Variants in OPCML observed in about 807,000 individuals in gnomAD.
The protein encoded by OPCML is opioid-binding protein/cell adhesion molecule.
In OPCML, 13 loss-of-function variants were observed where a neutral mutation model predicts 37.8. The observed-to-expected ratio is 0.34, with a 90% confidence interval of 0.22 to 0.55. The LOEUF is 0.55. OPCML is among the 20% of genes least tolerant of loss of function. The pLI, the probability that OPCML is intolerant of heterozygous loss-of-function variation, is 0.91. For missense variants in OPCML, 341 were observed against 435.6 expected (o/e 0.78, Z 1.93); for synonymous variants, 176 against 168.8 (o/e 1.04, Z -0.33).
chr11:132,718,180 C>T (rs979093588), intron 2 of OPCML, among the ~76,000 whole-genome samples: 1 of 152,170 alleles, frequency 6.6e-6, no homozygotes, highest in African/African-American at 2.4e-5. Context: ...CCTCCTGGGT[C>T]TTGGTGCGCT....
At chr11:133,378,453 T>C (rs1944861857) in intron 1 of OPCML, among the ~76,000 whole-genome samples, 1 of 152,182 alleles carries the variant, frequency 6.6e-6, no homozygotes, top group Non-Finnish European at 1.5e-5. Context: ...ATACTGTGAA[T>C]ATCCCTGTTA....
intron 4 of OPCML, among the ~76,000 whole-genome samples, chr11:132,477,640 T>G (rs2096161589): frequency 2.0e-5 from 3 of 152,190 alleles, no homozygotes; most frequent in Non-Finnish European, 4.4e-5. Flanking sequence ...ACATGAGGAA[T>G]GGAGGCAAAG....
At chr11:133,099,691 T>C (rs1028196458) in intron 1 of OPCML, among the ~76,000 whole-genome samples, 1 of 152,190 alleles carries the variant, frequency 6.6e-6, no homozygotes, top group East Asian at 1.9e-4. Flanking sequence ...TTTTTTCATA[T>C]GCCTGTTGGA....
At chr11:132,636,230 TA>T (rs1453672229) in intron 3 of OPCML, among the ~76,000 whole-genome samples, 2 of 152,198 alleles carry the variant, frequency 1.3e-5, no homozygotes, top group Non-Finnish European at 2.9e-5. Context: ...AATCCAGATT[TA>T]AACAAGCGCC....
At chr11:133,172,608 C>T (rs1950302756) in intron 1 of OPCML, among the ~76,000 whole-genome samples, 2 of 152,118 alleles carry the variant, frequency 1.3e-5, no homozygotes, top group Admixed American at 6.5e-5. Flanking sequence ...TGAACTCGAG[C>T]ATCTGTGTAG....
chr11:133,276,068 T>TA (rs1369267043), intron 1 of OPCML, among the ~76,000 whole-genome samples: 3 of 152,130 alleles, frequency 2.0e-5, no homozygotes, highest in African/African-American at 4.8e-5. Context: ...AGATTCAGTA[T>TA]AAAAAATGAC....
intron 3 of OPCML, among the ~76,000 whole-genome samples, chr11:132,648,618 C>T (rs552635374): frequency 4.0e-5 from 6 of 151,636 alleles, no homozygotes; most frequent in Non-Finnish European, 5.9e-5. Flanking sequence ...CTCCCTGCTT[C>T]AGCCTCCTGA....
intron 1 of OPCML, among the ~76,000 whole-genome samples, chr11:133,213,614 C>T (rs958462098): frequency 1.3e-5 from 2 of 152,202 alleles, no homozygotes; most frequent in East Asian, 1.9e-4. Context: ...ATTCTCACTC[C>T]TACACTTAAA....
intron 7 of OPCML, among the ~76,000 whole-genome samples, chr11:132,421,094 T>C (rs1362275052): frequency 6.6e-6 from 1 of 151,994 alleles, no homozygotes; most frequent in Non-Finnish European, 1.5e-5. Context: ...CCCCTCACCT[T>C]CCATGGCTCA....
intron 1 of OPCML, among the ~76,000 whole-genome samples, chr11:133,209,417 G>A (rs1939256925): frequency 6.6e-6 from 1 of 152,154 alleles, no homozygotes. Context: ...ACAAAATTAA[G>A]TTCGAAAATA....
chr11:133,141,298 C>T (rs1327643711), intron 1 of OPCML, among the ~76,000 whole-genome samples: 2 of 151,976 alleles, frequency 1.3e-5, no homozygotes, highest in Non-Finnish European at 1.5e-5. Flanking sequence ...TCCAGCCCTC[C>T]TGGAGTTCAC....
intron 3 of OPCML, among the ~76,000 whole-genome samples, chr11:132,635,255 A>C (rs1355293886): frequency 6.6e-6 from 1 of 152,144 alleles, no homozygotes; most frequent in African/African-American, 2.4e-5. Context: ...ATATAATACA[A>C]TCCCCCCCAT....
chr11:133,244,684 TC>T (rs1940857044), intron 1 of OPCML, among the ~76,000 whole-genome samples: 1 of 115,016 alleles, frequency 8.7e-6, no homozygotes, highest in Admixed American at 9.5e-5. Context: ...GTGTGGAACT[TC>T]CCCCTTTGCT....
intron 1 of OPCML, among the ~76,000 whole-genome samples, chr11:133,140,874 A>C (rs866870641): frequency 0.022 from 277 of 12,422 alleles, 36 homozygotes; most frequent in African/African-American, 0.037. Context: ...ACGACGACGA[A>C]GAAGACGACG....
intron 1 of OPCML, among the ~76,000 whole-genome samples, chr11:132,954,060 T>C (rs1302320986): frequency 6.6e-6 from 1 of 152,208 alleles, no homozygotes. Context: ...TTGCCAAACT[T>C]TTTTTATATT....
chr11:133,109,224 C>T (rs544905719), intron 1 of OPCML, among the ~76,000 whole-genome samples: 7 of 152,236 alleles, frequency 4.6e-5, no homozygotes, highest in African/African-American at 1.4e-4. Flanking sequence ...GGAACTTTGC[C>T]GTGGGTGTTA....
At chr11:132,813,209 C>T (rs1423184643) in intron 2 of OPCML, among the ~76,000 whole-genome samples, 1 of 152,046 alleles carries the variant, frequency 6.6e-6, no homozygotes, top group African/African-American at 2.4e-5. Context: ...AGACTTTTTA[C>T]AGCTCAAAGA....
At chr11:133,514,500 G>T (rs978898084) in intron 1 of OPCML, among the ~76,000 whole-genome samples, 13 of 152,162 alleles carry the variant, frequency 8.5e-5, no homozygotes, top group Non-Finnish European at 1.8e-4. Flanking sequence ...TTAAATCATT[G>T]CAGGGAGATA....
At chr11:133,009,673 A>G (rs985503131) in intron 1 of OPCML, among the ~76,000 whole-genome samples, 4 of 152,236 alleles carry the variant, frequency 2.6e-5, no homozygotes, top group Non-Finnish European at 2.9e-5. Flanking sequence ...ATCATCAGGC[A>G]TTAGTTAGAT....
Sources: allele counts gnomAD v4.1 joint callset (sites outside exome capture counted in the v4.1 genomes callset), GRCh38; gene constraint gnomAD v4.1.1; transcripts MANE v1.5; gene names NCBI Gene and HGNC (gene_info 2026-07-23, HGNC 2026-07-21).